NCOA4: variants seen among roughly 807,000 people sequenced by gnomAD.
NCOA4 encodes nuclear receptor coactivator 4, also known as 70 kDa AR-activator.
Under a neutral mutation model 69.5 loss-of-function variants are expected in NCOA4, and 31 were observed. That is an observed-to-expected ratio of 0.45 (90% confidence interval 0.34 to 0.60). The LOEUF is 0.60. NCOA4 is among the 20% of genes least tolerant of loss of function. The probability of loss-of-function intolerance (pLI) is 0.02; values close to 1 mark genes in which losing one functional copy is unlikely to be tolerated. For synonymous variants in NCOA4, 228 were observed against 252.4 expected (o/e 0.90, Z 0.92); for missense variants, 600 against 719.2 (o/e 0.83, Z 1.90).
At chr10:46,027,513 A>G (rs1457403051) in intron 1 of NCOA4, 2 of 1,540,010 alleles carry the variant, frequency 1.3e-6, no homozygotes, top group South Asian at 1.2e-5. Context: ...TGTTGAAGCA[A>G]TGTGTCCAGA....
rs1400809911 is a variant in NCOA4, at chr10:46,006,365, TAAG to T, written c.*224_*226del. The T allele has an allele frequency of 1.7e-5, 9 of 540,412 alleles. 1 individual carries two copies. The highest frequency in any genetic ancestry group is 1.1e-4 in the South Asian group (4 of 37,826). The allele number at this position is 540,412 out of a possible 1,614,324, so 33.5% of individuals were successfully genotyped here. A position where few individuals can be genotyped will look rare whatever the true frequency, so the allele number is the denominator to read the frequency against. ...TGTGGGGTGAATTAAAATACTTCTG[TAAG>T]AAGGAGGGAACTGAATCACCTCAGC... is the stretch of plus-strand genomic sequence containing the variant. On this transcript the variant is annotated 3_prime_UTR_variant, in exon 10 of 10. Transcript: ENST00000581486.
At chr10:46,007,581 C>CTTTTTTTT (rs71026287) in intron 9 of NCOA4, among the ~76,000 whole-genome samples, 2 of 85,476 alleles carry the variant, frequency 2.3e-5, no homozygotes, top group African/African-American at 9.8e-5. Flanking sequence ...GCCAGTGACT[C>CTTTTTTTT]TTTTTTTTTT....
intron 1 of NCOA4, among the ~76,000 whole-genome samples, chr10:46,019,943 T>A (rs1839779498): frequency 6.6e-6 from 1 of 152,144 alleles, no homozygotes; most frequent in Admixed American, 6.5e-5. Flanking sequence ...TCTCTGTCCC[T>A]CCTCCTCCCT....
chr10:46,023,895 G>A (rs1432232560), intron 1 of NCOA4, among the ~76,000 whole-genome samples: 2 of 152,196 alleles, frequency 1.3e-5, no homozygotes, highest in African/African-American at 4.8e-5. Context: ...GCCAAAAGAT[G>A]AAATCTAGAC....
rs1445119194 is a variant in NCOA4 at position 46,005,350 on chromosome 10, T to C, written c.*1242A>G. ...AAAATAATACAAAGCTCTTTTCAGC[T>C]GTGGTTCAAAGAACTCTAGTGAAGC... On this transcript the variant is annotated 3_prime_UTR_variant, in exon 10 of 10. Coordinates refer to ENST00000581486, the MANE Select transcript of NCOA4 (RefSeq NM_001145263.2). 4.7e-6 allele frequency: 1 copy of C among 213,096 alleles called. No homozygotes were observed. Among genetic ancestry groups the C allele is most frequent in the African/African-American group, 2.3e-5 (1 of 44,238 alleles). 13.2% of individuals were successfully genotyped at this position (213,096 alleles called of 1,614,324 possible). A position where few individuals can be genotyped will look rare whatever the true frequency, so the allele number is the denominator to read the frequency against.
At chr10:46,016,736 A>G in intron 1 of NCOA4, 42 bp from the exon 2 acceptor site, 1 of 1,298,640 alleles carries the variant, frequency 7.7e-7, no homozygotes. Flanking sequence ...CCATAATTAC[A>G]ACCAAAAACC....
In NCOA4 at chr10:46,005,678, G is replaced by A. The variant is rs1190934472; in HGVS notation, c.*914C>T. On this transcript the variant is annotated 3_prime_UTR_variant, in exon 10 of 10. Transcript: ENST00000581486. ...TACAGGTATGCTGTGCTTGCAGTGA[G>A]AGGATGACTTTATCCCTACTTAAAA... 1 of 218,590 alleles carries A rather than the reference G, an allele frequency of 4.6e-6. No homozygotes were observed. Among genetic ancestry groups the A allele is most frequent in the Non-Finnish European group, 9.2e-6 (1 of 108,588 alleles). 13.5% of individuals were successfully genotyped at this position (218,590 alleles called of 1,614,324 possible).
Position 46,006,374 on chromosome 10 carries a change from G to C in NCOA4, c.*218C>G. ...AATTAAAATACTTCTGTAAGAAGGA[G>C]GGAACTGAATCACCTCAGCATGAAT... is the stretch of plus-strand genomic sequence containing the variant. On this transcript the variant is annotated 3_prime_UTR_variant, in exon 10 of 10. Transcript: ENST00000581486. The C allele has an allele frequency of 1.9e-6, 1 of 536,616 alleles. No individual in the cohort carries two copies. Among genetic ancestry groups the C allele is most frequent in the Non-Finnish European group, 3.4e-6 (1 of 296,684 alleles). The allele number at this position is 536,616 out of a possible 1,614,324, so 33.2% of individuals were successfully genotyped here.
intron 1 of NCOA4, among the ~76,000 whole-genome samples, chr10:46,018,678 C>T (rs1393535224): frequency 6.6e-6 from 1 of 152,130 alleles, no homozygotes; most frequent in Non-Finnish European, 1.5e-5. Flanking sequence ...ACTAGAAGAA[C>T]TAAATTTGTT....
chr10:46,021,688 G>C (rs907097277), intron 1 of NCOA4, among the ~76,000 whole-genome samples: 1 of 152,140 alleles, frequency 6.6e-6, no homozygotes, highest in Admixed American at 6.5e-5. Context: ...GGCCGGGCGC[G>C]GTGACTCACG....
At position 46,014,504 on chromosome 10, in the gene NCOA4, A is replaced by C; in HGVS notation, c.420T>G (p.Phe140Leu). 1 of 1,614,134 alleles carries C rather than the reference A, an allele frequency of 6.2e-7. No homozygotes were observed. Residue 140 changes from phenylalanine to leucine, a missense_variant, in exon 5 of 10, where the codon TTT becomes TTG. Coordinates refer to ENST00000581486, the MANE Select transcript of NCOA4 (RefSeq NM_001145263.2). Reference protein sequence around the residue: ...LKPEDSTVLLFEADTITLRQT... With the variant: ...LKPEDSTVLLLEADTITLRQT... Reference sequence around the variant, plus strand: ...GGCGCAGAGTAATTGTGTCAGCTTCAAAGAGCAGGACAGTTGAATCTTCAG... The same window carrying C: ...GGCGCAGAGTAATTGTGTCAGCTTCCAAGAGCAGGACAGTTGAATCTTCAG...
chr10:46,015,016 C>A, intron 3 of NCOA4, 74 bp from the exon 4 acceptor site: 4 of 1,588,332 alleles, frequency 2.5e-6, no homozygotes, highest in Non-Finnish European at 2.6e-6. Context: ...CCAAACAGCA[C>A]TTGAGATTAA....
At chr10:46,026,606 G>A (rs190185902) in intron 1 of NCOA4, among the ~76,000 whole-genome samples, 8 of 152,172 alleles carry the variant, frequency 5.3e-5, no homozygotes, top group Non-Finnish European at 2.9e-5. Context: ...TCTCCCCATA[G>A]AAGCCAACAA....
At chr10:46,026,981 G>A (rs1840183244) in intron 1 of NCOA4, among the ~76,000 whole-genome samples, 1 of 152,130 alleles carries the variant, frequency 6.6e-6, no homozygotes, top group African/African-American at 2.4e-5. Context: ...ATGACTAAGA[G>A]TGGTCCGGGC....
intron 4 of NCOA4, 28 bp from the exon 5 acceptor site, chr10:46,014,580 T>G: frequency 1.3e-6 from 2 of 1,498,848 alleles, no homozygotes; most frequent in Non-Finnish European, 1.8e-6. Flanking sequence ...AAATTGGCTA[T>G]TTTTAAGGAA....
At chr10:46,021,957 T>C (rs1554924455) in intron 1 of NCOA4, among the ~76,000 whole-genome samples, 1 of 151,952 alleles carries the variant, frequency 6.6e-6, no homozygotes, top group Non-Finnish European at 1.5e-5. Context: ...CGAAATTCCA[T>C]CTCAAAATAA....
rs1164182412 is a variant in NCOA4 at position 46,009,161 on chromosome 10, G to A, written c.1839+250C>T. 5.2e-6 allele frequency: 8 copies of A among 1,550,818 alleles called. No individual in the cohort carries two copies. In the African/African-American group the frequency reaches 1.1e-4, roughly 21 times the overall value. On this transcript the variant is annotated intron_variant, in intron 9 of 9. Transcript: ENST00000581486. The stretch of plus-strand genomic sequence containing the variant: ...TATATAAACTACTAGAATCCACATG[G>A]GATCTGAAAATTCCCAACGGTTACA...
At chr10:46,022,254 T>A (rs1398500365) in intron 1 of NCOA4, among the ~76,000 whole-genome samples, 1 of 152,200 alleles carries the variant, frequency 6.6e-6, no homozygotes, top group Non-Finnish European at 1.5e-5. Flanking sequence ...AAGCGCAGCA[T>A]CTATCCACAG....
In NCOA4 at chr10:46,024,498, A is replaced by G. The variant is rs571490816; in HGVS notation, c.-15+6028T>C. Among the ~76,000 whole-genome samples the G allele has an allele frequency of 3.3e-5, 5 of 152,278 alleles. No individual in the cohort carries two copies. The South Asian group carries it at 6.2e-4, about 19-fold the overall frequency. On this transcript the variant is annotated intron_variant, in intron 1 of 9. Transcript: ENST00000581486. ...AAAGTCTTCAGCTACTCCCCTATGT[A>G]TATGTTCACTGAGTTTCACAGTTAT...
Sources: allele counts gnomAD v4.1 joint callset (sites outside exome capture counted in the v4.1 genomes callset), GRCh38; gene constraint gnomAD v4.1.1; transcripts MANE v1.5; gene names NCBI Gene and HGNC (gene_info 2026-07-23, HGNC 2026-07-21).